MGAT5: variants seen among roughly 807,000 people sequenced by gnomAD.
MGAT5 encodes alpha-1,6-mannosylglycoprotein 6-beta-N-acetylglucosaminyltransferase, also known as alpha-1,6-mannosylglycoprotein 6-beta-N-acetylglucosaminyltransferase A.
Under a neutral mutation model 94.3 loss-of-function variants are expected in MGAT5, and 30 were observed. That is an observed-to-expected ratio of 0.32 (90% CI 0.24 to 0.43). MGAT5 has a LOEUF of 0.43. Ranked by LOEUF, MGAT5 falls within the 20% of genes least tolerant of loss-of-function variation. The pLI is 1.00. For missense variants in MGAT5, 691 were observed against 905.5 expected (o/e 0.76, Z 3.04); for synonymous variants, 310 against 322.9 (o/e 0.96, Z 0.43).
intron 1 of MGAT5, among the ~76,000 whole-genome samples, chr2:134,242,688 G>A (rs1369378345): frequency 6.6e-6 from 1 of 152,208 alleles, no homozygotes; most frequent in Non-Finnish European, 1.5e-5. Context: ...GATCATTTCA[G>A]TGCTACCTTT....
At chr2:134,431,571 G>A (rs1005021947) in intron 14 of MGAT5, among the ~76,000 whole-genome samples, 14 of 152,148 alleles carry the variant, frequency 9.2e-5, no homozygotes, top group African/African-American at 3.4e-4. Flanking sequence ...AAAGGGCAGC[G>A]AGGATGGAGA....
chr2:134,260,164 C>T (rs141555545), intron 1 of MGAT5, among the ~76,000 whole-genome samples: 53 of 152,308 alleles, frequency 3.5e-4, no homozygotes, highest in African/African-American at 1.2e-3. Flanking sequence ...AGTGAGAAGC[C>T]GGCAGCTTAT....
chr2:134,234,714 C>T (rs1458883958), intron 1 of MGAT5, among the ~76,000 whole-genome samples: 2 of 152,206 alleles, frequency 1.3e-5, no homozygotes. Context: ...GGGCTGGAAG[C>T]CAGTGCTCAG....
intron 14 of MGAT5, among the ~76,000 whole-genome samples, 156 bp from the exon 15 acceptor site, chr2:134,441,602 G>A (rs566501219): frequency 6.6e-6 from 1 of 152,162 alleles, no homozygotes; most frequent in Non-Finnish European, 1.5e-5. Flanking sequence ...GCATATTCCA[G>A]CTGAGCCCCA....
At chr2:134,174,690 T>G (rs1231656848) in intron 1 of MGAT5, among the ~76,000 whole-genome samples, 1 of 152,234 alleles carries the variant, frequency 6.6e-6, no homozygotes, top group African/African-American at 2.4e-5. Flanking sequence ...ATAAAGCACC[T>G]TCATTGTCTC....
intron 12 of MGAT5, among the ~76,000 whole-genome samples, chr2:134,419,490 T>TGTGTG (rs1684179569): frequency 1.0e-4 from 7 of 68,004 alleles, no homozygotes; most frequent in Non-Finnish European, 2.2e-4. Flanking sequence ...GTGTGTGTGT[T>TGTGTG]TCCATAAAGA....
In MGAT5 at chr2:134,453,832, G is replaced by C. The variant is rs1463284791; in HGVS notation, c.*4985G>C. 6.6e-6 allele frequency: 1 copy of C among 152,176 alleles called. No individual in the cohort carries two copies. Among genetic ancestry groups the C allele is most frequent in the Non-Finnish European group, 1.5e-5 (1 of 68,044 alleles). The allele number at this position is 152,176 out of a possible 1,614,324, so 9.4% of individuals were successfully genotyped here. A position where few individuals can be genotyped will look rare whatever the true frequency, so the allele number is the denominator to read the frequency against. On this transcript the variant is annotated 3_prime_UTR_variant, in exon 16 of 16. Coordinates refer to ENST00000281923, the MANE Select transcript of MGAT5 (RefSeq NM_002410.5). The stretch of plus-strand genomic sequence containing the variant: ...GTTTTCCCAAATCACCTAAATATCG[G>C]TTTGCTTTTTGTTTTGGGGGAGAGG...
chr2:134,130,476 G>A (rs1558947797), intron 1 of MGAT5, among the ~76,000 whole-genome samples: 1 of 152,384 alleles, frequency 6.6e-6, no homozygotes. Context: ...GGGCTTCTGA[G>A]TCAAGTGAGG....
At chr2:134,130,191 T>C (rs1686066133) in intron 1 of MGAT5, among the ~76,000 whole-genome samples, 1 of 112,856 alleles carries the variant, frequency 8.9e-6, no homozygotes, top group African/African-American at 3.3e-5. Flanking sequence ...CAGCCCGCCA[T>C]GCTGGAGCCC....
At chr2:134,301,325 T>G (rs2105823043) in intron 2 of MGAT5, among the ~76,000 whole-genome samples, 1 of 152,302 alleles carries the variant, frequency 6.6e-6, no homozygotes, top group Middle Eastern at 3.4e-3. Context: ...TGAATAATGC[T>G]GCTAGAGACA....
At chr2:134,242,580 A>G (rs1009019507) in intron 1 of MGAT5, among the ~76,000 whole-genome samples, 4 of 152,210 alleles carry the variant, frequency 2.6e-5, no homozygotes, top group Non-Finnish European at 5.9e-5. Context: ...AGTGCTTCTC[A>G]TGTGAAAACA....
chr2:134,345,396 C>T (rs35022340), intron 8 of MGAT5, among the ~76,000 whole-genome samples: 5,523 of 152,152 alleles, frequency 0.036, 155 homozygotes, highest in South Asian at 0.13. Flanking sequence ...TCTTGTGTTC[C>T]GTGGGTTTTA....
At chr2:134,165,691 C>G (rs1489805678) in intron 1 of MGAT5, among the ~76,000 whole-genome samples, 1 of 151,948 alleles carries the variant, frequency 6.6e-6, no homozygotes, top group Admixed American at 6.6e-5. Context: ...AGGAGAATGG[C>G]GTGAACCCGG....
chr2:134,165,942 G>A (rs1019376475), intron 1 of MGAT5, among the ~76,000 whole-genome samples: 2 of 152,092 alleles, frequency 1.3e-5, no homozygotes, highest in East Asian at 1.9e-4. Flanking sequence ...CTCCTGTAAG[G>A]TATGAAAAAT....
At chr2:134,168,770 T>C (rs896598171) in intron 1 of MGAT5, among the ~76,000 whole-genome samples, 1 of 152,256 alleles carries the variant, frequency 6.6e-6, no homozygotes, top group Admixed American at 6.5e-5. Context: ...TAGACACTCT[T>C]TACTTTGATG....
rs150447941 is a variant in MGAT5 at position 134,299,914 on chromosome 2, C to CA, written c.407-17614dup. On this transcript the variant is annotated intron_variant, in intron 2 of 15. Coordinates refer to ENST00000281923, the MANE Select transcript of MGAT5 (RefSeq NM_002410.5). ...CCTGGCTTTCCAGTTGACTTGCACTCACCTTGAATATAACTCTCTGAATAC... is the reference window on the plus strand; with the variant it reads ...CCTGGCTTTCCAGTTGACTTGCACTCAACCTTGAATATAACTCTCTGAATAC... 3.9e-3 allele frequency among the ~76,000 whole-genome samples: 598 copies of CA among 152,256 alleles called. 3 individuals are homozygous for CA. Among genetic ancestry groups the CA allele is most frequent in the Non-Finnish European group, 6.9e-3 (472 of 68,010 alleles).
At chr2:134,327,871 A>C (rs1309226137) in intron 4 of MGAT5, among the ~76,000 whole-genome samples, 1 of 152,126 alleles carries the variant, frequency 6.6e-6, no homozygotes, top group African/African-American at 2.4e-5. Flanking sequence ...CATTAAACAC[A>C]AAAAAAGAGC....
At chr2:134,440,320 T>G (rs13005152) in intron 14 of MGAT5, among the ~76,000 whole-genome samples, 48,943 of 152,122 alleles carry the variant, frequency 0.32, 9,569 homozygotes, top group African/African-American at 0.54. Flanking sequence ...CTATAATGTT[T>G]AGAATGAAGA....
chr2:134,152,114 A>T (rs1440553977), intron 1 of MGAT5, among the ~76,000 whole-genome samples: 1 of 136,218 alleles, frequency 7.3e-6, no homozygotes, highest in Non-Finnish European at 1.6e-5. Flanking sequence ...GCCCACCGCC[A>T]TGGGACCTCA....
Sources: gnomAD v4.1 joint callset for allele counts (sites outside exome capture counted in the v4.1 genomes callset) on GRCh38, gnomAD v4.1.1 for gene constraint, MANE v1.5 for transcripts, NCBI Gene and HGNC (gene_info 2026-07-23, HGNC 2026-07-21) for gene names.